Variants in HSPA14 observed in about 807,000 individuals in gnomAD.
HSPA14 encodes the protein heat shock protein family A (Hsp70) member 14.
HSPA14 carries 37 observed loss-of-function variants against 65.5 expected under a neutral mutation model. That is an observed-to-expected ratio of 0.56 (90% CI 0.43 to 0.74). The LOEUF (loss-of-function observed/expected upper bound fraction) is 0.74. Ranked by LOEUF, HSPA14 falls within the 30% of genes least tolerant of loss-of-function variation. HSPA14 has a pLI of 0.00. For synonymous variants in HSPA14, 203 were observed against 214.2 expected (o/e 0.95, Z 0.46); for missense variants, 564 against 607.6 (o/e 0.93, Z 0.75).
chr10:14,850,116 T>A (rs910576435), intron 6 of HSPA14, among the ~76,000 whole-genome samples: 1 of 151,978 alleles, frequency 6.6e-6, no homozygotes, highest in Non-Finnish European at 1.5e-5. Context: ...TCTATTAAAA[T>A]ACAAAAATTA....
At chr10:14,859,703 G>A (rs1030446902) in intron 10 of HSPA14, among the ~76,000 whole-genome samples, 4 of 152,166 alleles carry the variant, frequency 2.6e-5, no homozygotes, top group African/African-American at 7.2e-5. Flanking sequence ...TTGTAACTTG[G>A]TGGATGTCCT....
rs751141664 is a variant in HSPA14, at chr10:14,867,737, G to C, written c.1208G>C (p.Gly403Ala). ...ECSARDILVK[G>A]VDESGASRFT... ...TGCACCTTGTTTCCTGCTAACTAGGGTGTGGACGAATCAGGAGCCAGTAGA... is the reference window on the plus strand; with the variant it reads ...TGCACCTTGTTTCCTGCTAACTAGGCTGTGGACGAATCAGGAGCCAGTAGA... The change falls in exon 12 of 14, where the codon GGT becomes GCT. Residue 403 changes from glycine to alanine, a missense_variant and splice_region_variant. Gly to Ala is a moderately conservative substitution (Grantham distance 60). Coordinates refer to ENST00000378372, the MANE Select transcript of HSPA14 (RefSeq NM_016299.4). The C allele has an allele frequency of 1.7e-5, 27 of 1,612,796 alleles. No homozygotes were observed. Among genetic ancestry groups the C allele is most frequent in the Non-Finnish European group, 2.2e-5 (26 of 1,179,572 alleles).
chr10:14,842,616 T>C lies in HSPA14; in HGVS notation c.221+2459T>C. 1 of 1,536,068 alleles carries C rather than the reference T, an allele frequency of 6.5e-7. No individual in the cohort carries two copies. The highest frequency in any genetic ancestry group is 8.7e-7 in the Non-Finnish European group (1 of 1,146,900). Reference sequence around the variant, plus strand: ...CAGATAGTGACTGACCCAGACAACTTAATGGAGGATGCTGCTTGGGCCAAG... The same window carrying C: ...CAGATAGTGACTGACCCAGACAACTCAATGGAGGATGCTGCTTGGGCCAAG... On this transcript the variant is annotated intron_variant, in intron 3 of 13. Coordinates refer to ENST00000378372, the MANE Select transcript of HSPA14 (RefSeq NM_016299.4). The surrounding 1 kb of genome is among the most constrained non-coding windows in gnomAD (Gnocchi z 5.2).
At chr10:14,849,323 T>TA in intron 5 of HSPA14, 1 of 452,434 alleles carries the variant, frequency 2.2e-6, no homozygotes, top group Non-Finnish European at 4.4e-6. Context: ...AGATTGTTTA[T>TA]AAGGCTTCCT....
intron 10 of HSPA14, among the ~76,000 whole-genome samples, chr10:14,857,907 T>C (rs968949675): frequency 6.6e-6 from 1 of 152,134 alleles, no homozygotes; most frequent in African/African-American, 2.4e-5. Context: ...TATTTTGTTT[T>C]TTTTTTTAAC....
rs1369619529 is a variant in HSPA14 at position 14,839,120 on chromosome 10, C to T, written c.57+661C>T. 3.9e-5 allele frequency among the ~76,000 whole-genome samples: 6 copies of T among 152,306 alleles called. No individual in the cohort carries two copies. The East Asian group carries it at 1.2e-3, about 29-fold the overall frequency. On this transcript the variant is annotated intron_variant, in intron 1 of 13. Transcript: ENST00000378372. ...TGCGTGGTCTACAGAGGTGGCCTTTCTGGAAGTGAGAGCCTGACAGGACTT... is the reference window on the plus strand; with the variant it reads ...TGCGTGGTCTACAGAGGTGGCCTTTTTGGAAGTGAGAGCCTGACAGGACTT...
At chr10:14,847,330 A>C (rs1834067944) in intron 3 of HSPA14, among the ~76,000 whole-genome samples, 1 of 152,340 alleles carries the variant, frequency 6.6e-6, no homozygotes, top group Non-Finnish European at 1.5e-5. Flanking sequence ...CTGAAATTCT[A>C]ATATTGGTGC....
chr10:14,845,437 C>G, intron 3 of HSPA14: 1 of 985,314 alleles, frequency 1.0e-6, no homozygotes, highest in Non-Finnish European at 1.2e-6. Flanking sequence ...GTACCCAGAA[C>G]CATGAGTAGA....
chr10:14,848,584 T>A, intron 3 of HSPA14, 25 bp from the exon 4 acceptor site: 1 of 1,571,488 alleles, frequency 6.4e-7, no homozygotes, highest in Non-Finnish European at 8.7e-7. Flanking sequence ...AATACTTAGC[T>A]ATCTTTATCT....
At chr10:14,859,279 C>T (rs189429512) in intron 10 of HSPA14, among the ~76,000 whole-genome samples, 66 of 152,294 alleles carry the variant, frequency 4.3e-4, no homozygotes, top group African/African-American at 1.4e-3. Flanking sequence ...CCACTCCACA[C>T]GTGTGCTTTC....
chr10:14,843,949 C>T, intron 3 of HSPA14: 1 of 1,522,250 alleles, frequency 6.6e-7, no homozygotes, highest in Non-Finnish European at 8.8e-7. Context: ...AGTTCCCAAA[C>T]CTGCCTTCTG....
intron 1 of HSPA14, among the ~76,000 whole-genome samples, chr10:14,838,799 G>A (rs1335853545): frequency 1.3e-5 from 2 of 152,054 alleles, no homozygotes; most frequent in African/African-American, 4.8e-5. Flanking sequence ...GGGTGTCCCG[G>A]GGGGTCCCGG....
Position 14,839,745 on chromosome 10 carries a change from C to T in HSPA14, c.58-160C>T, listed in dbSNP as rs367840624. ...AGTTCTTCATGGAATTATAGGCTTT[C>T]TATGAAAACGAGGAAATTAAATGGT... On this transcript the variant is annotated intron_variant, in intron 1 of 13. Transcript: ENST00000378372. Among the ~76,000 whole-genome samples the T allele has an allele frequency of 5.1e-4, 78 of 152,194 alleles. 2 individuals carry two copies. In the East Asian group the frequency reaches 0.014, roughly 27 times the overall value.
In HSPA14 at chr10:14,871,661, T is replaced by C; in HGVS notation, c.*55T>C. 6 of 919,442 alleles carry C rather than the reference T, an allele frequency of 6.5e-6. No individual in the cohort carries two copies. The highest frequency in any genetic ancestry group is 1.0e-5 in the Non-Finnish European group (6 of 575,806). 57.0% of individuals were successfully genotyped at this position (919,442 alleles called of 1,614,324 possible). A position where few individuals can be genotyped will look rare whatever the true frequency, so the allele number is the denominator to read the frequency against. ...ACAAGAATATCAACATTTGGTTTTG[T>C]GTATAAGTGGTGTTTGTATTAAAAT... On this transcript the variant is annotated 3_prime_UTR_variant, in exon 14 of 14. Coordinates refer to ENST00000378372, the MANE Select transcript of HSPA14 (RefSeq NM_016299.4).
chr10:14,857,205 G>A (rs1419117572), intron 10 of HSPA14, among the ~76,000 whole-genome samples: 1 of 152,018 alleles, frequency 6.6e-6, no homozygotes, highest in East Asian at 1.9e-4. Flanking sequence ...ACATAGGTTG[G>A]GTTTTTTCCT....
chr10:14,870,690 T>G, intron 13 of HSPA14, 23 bp downstream of exon 13: 16 of 1,521,144 alleles, frequency 1.1e-5, no homozygotes, highest in Non-Finnish European at 1.1e-5. Flanking sequence ...ACTTCTGTTG[T>G]TAAGAAAATT....
Position 14,870,601 on chromosome 10 carries a change from T to C in HSPA14, c.1385T>C (p.Val462Ala). Residue 462 changes from valine (V) to alanine (A), a missense_variant, in exon 13 of 14, where the codon GTA becomes GCA. Physicochemically the swap from Val to Ala is moderately conservative, Grantham distance 64. Transcript: ENST00000378372. Reference sequence around the variant, plus strand: ...ATATTGTTCTTGTATAAACAGGTTGTACTCCAGGATTTAGATAAAAAAGAA... The same window carrying C: ...ATATTGTTCTTGTATAAACAGGTTGCACTCCAGGATTTAGATAAAAAAGAA... ...AKEETKFAQV[V>A]LQDLDKKENG... 1 of 1,584,852 alleles carries C rather than the reference T, an allele frequency of 6.3e-7. No homozygotes were observed. The highest frequency in any genetic ancestry group is 8.6e-7 in the Non-Finnish European group (1 of 1,160,444).
chr10:14,865,167 C>A (rs190207842), intron 10 of HSPA14, among the ~76,000 whole-genome samples: 1 of 152,030 alleles, frequency 6.6e-6, no homozygotes, highest in African/African-American at 2.4e-5. Flanking sequence ...GTTGATGGGG[C>A]TGTTTGTTTT....
At chr10:14,869,170 G>A (rs1053938733) in intron 12 of HSPA14, among the ~76,000 whole-genome samples, 1 of 151,874 alleles carries the variant, frequency 6.6e-6, no homozygotes, top group Non-Finnish European at 1.5e-5. Flanking sequence ...GACTAAAAAT[G>A]CCTAGCTTTT....
Sources: allele counts gnomAD v4.1 joint callset (sites outside exome capture counted in the v4.1 genomes callset), GRCh38; gene constraint gnomAD v4.1.1; non-coding constraint Gnocchi (gnomAD v3.1); transcripts MANE v1.5; gene names NCBI Gene and HGNC (gene_info 2026-07-23, HGNC 2026-07-21).